The following PRKG1 variants were observed in gnomAD, a reference collection of about 807,000 sequenced individuals.
PRKG1 encodes the protein protein kinase cGMP-dependent 1.
A neutral mutation model predicts 88.1 loss-of-function variants in PRKG1; 35 were observed. The ratio of observed to expected loss-of-function variants is 0.40; its 90% CI spans 0.30 to 0.53. The LOEUF (loss-of-function observed/expected upper bound fraction) is 0.53. Ranked by LOEUF, PRKG1 falls within the 20% of genes least tolerant of loss-of-function variation. PRKG1 has a pLI of 0.59. For missense variants in PRKG1, 540 were observed against 839.8 expected, an observed-to-expected ratio of 0.64 and a Z score of 4.41; for synonymous variants, 303 against 292.5, an observed-to-expected ratio of 1.04 and a Z score of -0.37.
rs150202052 is a variant in PRKG1, at chr10:52,119,231, A to C, written c.936-14609A>C. ...AAGAGCATTGAAGACCATGATAATT[A>C]GAACTTTTAAAAAGTATCGACATGC... On this transcript the variant is annotated intron_variant, in intron 7 of 17. Transcript: ENST00000373980. Among the ~76,000 whole-genome samples, 64 of 152,318 alleles carry C rather than the reference A, an allele frequency of 4.2e-4. 1 individual carries two copies. The East Asian group carries it at 0.011, about 26-fold the overall frequency.
At chr10:52,011,295 A>C (rs1844872624) in intron 5 of PRKG1, among the ~76,000 whole-genome samples, 1 of 152,168 alleles carries the variant, frequency 6.6e-6, no homozygotes, top group Non-Finnish European at 1.5e-5. Flanking sequence ...AGCTGGTATT[A>C]ATAAACCTGT....
chr10:51,011,919 A>G (rs1389524774), intron 1 of PRKG1, among the ~76,000 whole-genome samples: 1 of 152,202 alleles, frequency 6.6e-6, no homozygotes, highest in Non-Finnish European at 1.5e-5. Context: ...AAGCCTCACA[A>G]TTGTGGTGGA....
chr10:51,577,002 T>A (rs1022925836), intron 3 of PRKG1, among the ~76,000 whole-genome samples: 1 of 151,978 alleles, frequency 6.6e-6, no homozygotes, highest in South Asian at 2.1e-4. Flanking sequence ...AATACTTTTT[T>A]AAAAAATAGA....
chr10:51,963,508 A>T (rs1843495408), intron 5 of PRKG1, among the ~76,000 whole-genome samples: 1 of 151,922 alleles, frequency 6.6e-6, no homozygotes, highest in Non-Finnish European at 1.5e-5. Flanking sequence ...CACCCAGGCT[A>T]GAGTGCAGTG....
At chr10:51,656,193 A>G (rs1301863819) in intron 3 of PRKG1, among the ~76,000 whole-genome samples, 1 of 152,208 alleles carries the variant, frequency 6.6e-6, no homozygotes, top group Non-Finnish European at 1.5e-5. Flanking sequence ...ATGAGATGTA[A>G]CTAAATGTTC....
At chr10:51,925,157 T>A (rs1842546695) in intron 5 of PRKG1, among the ~76,000 whole-genome samples, 1 of 151,780 alleles carries the variant, frequency 6.6e-6, no homozygotes, top group South Asian at 2.1e-4. Flanking sequence ...GTATGATGTT[T>A]TGAGTAAAAG....
chr10:51,314,567 C>T (rs11597874), intron 2 of PRKG1, among the ~76,000 whole-genome samples: 3,792 of 152,284 alleles, frequency 0.025, 74 homozygotes, highest in Middle Eastern at 0.044. Context: ...CTTTTGCAAG[C>T]TGTTTCAGTT....
At chr10:51,413,622 G>A (rs1197169448) in intron 2 of PRKG1, among the ~76,000 whole-genome samples, 1 of 152,026 alleles carries the variant, frequency 6.6e-6, no homozygotes, top group Non-Finnish European at 1.5e-5. Flanking sequence ...GCCTCCCAAG[G>A]TGCTGGGATT....
intron 1 of PRKG1, among the ~76,000 whole-genome samples, chr10:51,019,044 T>C (rs866657429): frequency 5.9e-5 from 9 of 152,316 alleles, no homozygotes; most frequent in Middle Eastern, 6.8e-3. Context: ...CGACCTGCAG[T>C]CTTACCCTTT....
chr10:51,889,172 T>A (rs1235179629), intron 4 of PRKG1, among the ~76,000 whole-genome samples: 1 of 151,118 alleles, frequency 6.6e-6, no homozygotes, highest in Non-Finnish European at 1.5e-5. Flanking sequence ...AACTCGTCAT[T>A]TACATTAGGT....
rs1841984805 is a variant in PRKG1, at chr10:52,280,682, T to C, written c.1404-107T>C. The C allele has an allele frequency of 5.7e-6, 7 of 1,227,332 alleles. No homozygotes were observed. In the East Asian group the frequency reaches 1.5e-4, roughly 26 times the overall value. 76.0% of individuals were successfully genotyped at this position (1,227,332 alleles called of 1,614,324 possible). A position where few individuals can be genotyped will look rare whatever the true frequency, so the allele number is the denominator to read the frequency against. ...ATTTAGCTAGCAGGACAGTGATCTC[T>C]GGGTTAAATTTTGGCAAAGGAATAT... is the stretch of plus-strand genomic sequence containing the variant. On this transcript the variant is annotated intron_variant, in intron 12 of 17. Transcript: ENST00000373980.
intron 2 of PRKG1, among the ~76,000 whole-genome samples, chr10:51,173,121 T>C (rs929568079): frequency 6.6e-6 from 1 of 152,054 alleles, no homozygotes; most frequent in Non-Finnish European, 1.5e-5. Context: ...TATTTAATTC[T>C]TTTCACATCT....
At chr10:51,927,417 T>G (rs1842602614) in intron 5 of PRKG1, among the ~76,000 whole-genome samples, 2 of 152,192 alleles carry the variant, frequency 1.3e-5, no homozygotes, top group East Asian at 3.9e-4. Context: ...CCTCTTTTTC[T>G]TTATAAATTA....
At chr10:51,431,229 C>CA (rs1295722436) in intron 2 of PRKG1, among the ~76,000 whole-genome samples, 2 of 152,090 alleles carry the variant, frequency 1.3e-5, no homozygotes, top group Non-Finnish European at 2.9e-5. Context: ...ATGGAAGTGA[C>CA]AAAGTGATGA....
At chr10:51,831,596 C>T (rs995953969) in intron 4 of PRKG1, among the ~76,000 whole-genome samples, 1 of 152,186 alleles carries the variant, frequency 6.6e-6, no homozygotes, top group Non-Finnish European at 1.5e-5. Flanking sequence ...ACCCAAGTTA[C>T]TCATAGTTCA....
At chr10:51,336,359 T>C (rs902809087) in intron 2 of PRKG1, among the ~76,000 whole-genome samples, 1 of 149,060 alleles carries the variant, frequency 6.7e-6, no homozygotes, top group African/African-American at 2.6e-5. Flanking sequence ...TCTCAAAAAA[T>C]AAATAAATAA....
At chr10:51,867,364 G>C (rs1377947824) in intron 4 of PRKG1, among the ~76,000 whole-genome samples, 1 of 152,126 alleles carries the variant, frequency 6.6e-6, no homozygotes, top group Non-Finnish European at 1.5e-5. Flanking sequence ...GCAGGCAAAG[G>C]ATGTGGTTGG....
intron 8 of PRKG1, among the ~76,000 whole-genome samples, chr10:52,144,798 C>T (rs1175169448): frequency 3.3e-5 from 5 of 151,958 alleles, no homozygotes; most frequent in African/African-American, 1.2e-4. Context: ...CCCTGGGCGA[C>T]CGAGCAGACT....
At chr10:52,237,246 T>C (rs1840711915) in intron 9 of PRKG1, among the ~76,000 whole-genome samples, 1 of 144,970 alleles carries the variant, frequency 6.9e-6, no homozygotes, top group African/African-American at 2.6e-5. Flanking sequence ...GCATTCCCTT[T>C]GAAAACTGGC....
Sources: allele counts gnomAD v4.1 joint callset (sites outside exome capture counted in the v4.1 genomes callset), GRCh38; gene constraint gnomAD v4.1.1; transcripts MANE v1.5; gene names NCBI Gene and HGNC (gene_info 2026-07-23, HGNC 2026-07-21).